Variants in RNASE11 observed in about 807,000 individuals in gnomAD.
The protein encoded by RNASE11 is ribonuclease A family member 11 (inactive).
For missense variants in RNASE11, 252 were observed against 237.8 expected (o/e 1.06, Z -0.39); for synonymous variants, 105 against 86.1 (o/e 1.22, Z -1.21).
rs2138892518 is a variant in RNASE11, at chr14:20,587,257, T to C, written c.-23+306A>G. On this transcript the variant is annotated intron_variant, in intron 1 of 1. Transcript: ENST00000553849. ...GAATGTCTAAAATGTCACAATTCAT[T>C]TGAATTTGGTGTTGATCCCTATTGA... Among the ~76,000 whole-genome samples the C allele has an allele frequency of 1.3e-5, 2 of 152,322 alleles. 1 individual carries two copies. The highest frequency in any genetic ancestry group is 1.3e-4 in the Admixed American group (2 of 15,302).
chr14:20,586,091 C>T (rs1253156412), intron 1 of RNASE11, among the ~76,000 whole-genome samples: 1 of 152,200 alleles, frequency 6.6e-6, no homozygotes, highest in African/African-American at 2.4e-5. Flanking sequence ...TTCCTCTTTG[C>T]TCACAGTAGG....
upstream of RNASE11, chr14:20,590,205 C>T: frequency 1.8e-5 from 28 of 1,569,016 alleles, no homozygotes; most frequent in Non-Finnish European, 2.4e-5. Flanking sequence ...TGTCCACGGT[C>T]CAGGTCTGCC....
At chr14:20,589,830 T>A (rs1304050581), upstream of RNASE11, among the ~76,000 whole-genome samples, 1 of 152,070 alleles carries the variant, frequency 6.6e-6, no homozygotes, top group African/African-American at 2.4e-5. Context: ...GAGGTTGCAG[T>A]GAGCCGAGAT....
chr14:20,582,984 C>T (rs993276616), downstream of RNASE11: 3 of 152,124 alleles, frequency 2.0e-5, no homozygotes, highest in Admixed American at 2.0e-4. Context: ...GGAATAGAAA[C>T]ATATGGCCAC....
chr14:20,589,018 C>G (rs1049090468), upstream of RNASE11, among the ~76,000 whole-genome samples: 3 of 152,134 alleles, frequency 2.0e-5, no homozygotes, highest in African/African-American at 7.2e-5. Context: ...AACTCCTGAC[C>G]TCAAGTGTTC....
chr14:20,583,077 C>G (rs1884339961), downstream of RNASE11: 1 of 152,168 alleles, frequency 6.6e-6, no homozygotes, highest in Non-Finnish European at 1.5e-5. Context: ...TGGTAGTGAA[C>G]AAAATTAACT....
At position 20,584,463 on chromosome 14, in the gene RNASE11, A is replaced by G. The variant is rs751886991; in HGVS notation, c.12T>C (p.Phe4=). ...GGCCCAGGCTGAGCAGCAGCAGAGG[A>G]AAGGTCTCCATCTCAGATGTAGTGT... The change falls in exon 2 of 2, where the codon TTT becomes TTC. Residue 4 remains phenylalanine, a synonymous_variant. Coordinates refer to ENST00000553849, the Ensembl canonical transcript of RNASE11. The G allele has an allele frequency of 3.1e-6, 5 of 1,594,870 alleles. No homozygotes were observed. In the Admixed American group the frequency reaches 8.8e-5, roughly 28 times the overall value.
exon 2 of RNASE11, chr14:20,584,442 C>T (rs1884389425): frequency 6.2e-7 from 1 of 1,607,574 alleles, no homozygotes. Flanking sequence ...GAACCAGGCC[C>T]AGGCTGAGCA....
rs954441041 is a variant in RNASE11, at chr14:20,587,642, G to C, written c.-102C>G. On this transcript the variant is annotated 5_prime_UTR_variant, in exon 1 of 2. Coordinates refer to ENST00000553849, the Ensembl canonical transcript of RNASE11. ...CCCAAAATTCTATGGAGACAACAAT[G>C]ACAACAGAATTACCACAGAGAACTA... is the stretch of plus-strand genomic sequence containing the variant. 2.0e-6 allele frequency: 2 copies of C among 985,140 alleles called. No individual in the cohort carries two copies. Among genetic ancestry groups the C allele is most frequent in the African/African-American group, 3.5e-5 (2 of 57,196 alleles). 61.0% of individuals were successfully genotyped at this position (985,140 alleles called of 1,614,324 possible). A position where few individuals can be genotyped will look rare whatever the true frequency, so the allele number is the denominator to read the frequency against.
chr14:20,585,532 A>G (rs1002120677), intron 1 of RNASE11, among the ~76,000 whole-genome samples: 1 of 152,238 alleles, frequency 6.6e-6, no homozygotes, highest in South Asian at 2.1e-4. Context: ...TTAATAAAGA[A>G]TCTGCACTCC....
intron 1 of RNASE11, 126 bp from the exon 3 acceptor site, chr14:20,584,622 G>A (rs755260385): frequency 4.6e-6 from 3 of 648,768 alleles, no homozygotes; most frequent in Non-Finnish European, 7.4e-6. Flanking sequence ...TCTGTGAATG[G>A]AACTATGATA....
In RNASE11 at chr14:20,584,304, C is replaced by T. The variant is rs757971082; in HGVS notation, c.171G>A (p.Leu57=). ...TGCTGAGGCTGGTATTTTTAACTAA[C>T]AGGATCGGGTTCATTAATATCTCAA... The change falls in exon 2 of 2, where the codon CTG becomes CTA. Residue 57 remains leucine, a synonymous_variant. Coordinates refer to ENST00000553849, the Ensembl canonical transcript of RNASE11. 28 of 1,614,062 alleles carry T rather than the reference C, an allele frequency of 1.7e-5. 1 individual carries two copies. The highest frequency in any genetic ancestry group is 2.3e-5 in the Non-Finnish European group (27 of 1,180,032).
downstream of RNASE11, chr14:20,583,274 G>A (rs1355590370): frequency 6.6e-6 from 1 of 152,308 alleles, no homozygotes; most frequent in Non-Finnish European, 1.5e-5. Context: ...ACAGCAACCT[G>A]TGAAATAGAG....
chr14:20,583,833 G>T, exon 2 of RNASE11: 1 of 1,533,384 alleles, frequency 6.5e-7, no homozygotes, highest in Non-Finnish European at 8.8e-7. Context: ...ACAAGAAGAG[G>T]TCCTTCTTTA....
Position 20,584,504 on chromosome 14 carries a change from A to G in RNASE11, c.-22-8T>C, listed in dbSNP as rs1747799202. The G allele has an allele frequency of 6.5e-7, 1 of 1,527,862 alleles. No individual in the cohort carries two copies. The allele number at this position is 1,527,862 out of a possible 1,614,324, so 94.6% of individuals were successfully genotyped here. On this transcript the variant is annotated splice_region_variant and splice_polypyrimidine_tract_variant and intron_variant, in intron 1 of 1. Coordinates refer to ENST00000553849, the Ensembl canonical transcript of RNASE11. ...GATGTAGTGTAATCTCTTCTGCAGT[A>G]AAGACAATAAATGAAAGATAAAATA...
chr14:20,586,863 T>C (rs1777779915), intron 1 of RNASE11, among the ~76,000 whole-genome samples: 1 of 152,180 alleles, frequency 6.6e-6, no homozygotes. Flanking sequence ...TAAAAAAATA[T>C]ACCTGGCTGG....
exon 2 of RNASE11, chr14:20,583,795 T>C: frequency 2.1e-6 from 3 of 1,421,594 alleles, no homozygotes; most frequent in South Asian, 2.8e-5. Flanking sequence ...AAAGAGTAGA[T>C]ATTAAGGAAA....
intron 1 of RNASE11, among the ~76,000 whole-genome samples, chr14:20,585,767 C>T (rs776993062): frequency 1.3e-5 from 2 of 152,136 alleles, no homozygotes; most frequent in Non-Finnish European, 2.9e-5. Context: ...ACTGCACACA[C>T]ACTAATTTCT....
At chr14:20,584,635 A>C (rs1884395976) in intron 1 of RNASE11, 139 bp from the exon 3 acceptor site, 3 of 602,618 alleles carry the variant, frequency 5.0e-6, no homozygotes, top group African/African-American at 3.7e-5. Flanking sequence ...CTATGATATA[A>C]TAGAAAGACA....
Sources: allele counts gnomAD v4.1 joint callset (sites outside exome capture counted in the v4.1 genomes callset), GRCh38; gene constraint gnomAD v4.1.1; transcripts MANE v1.5; gene names NCBI Gene and HGNC (gene_info 2026-07-23, HGNC 2026-07-21).